The following SMCHD1 variants were observed in gnomAD, a reference collection of about 807,000 sequenced individuals.
SMCHD1 encodes the protein structural maintenance of chromosomes flexible hinge domain-containing protein 1.
SMCHD1 carries 78 observed loss-of-function variants against 254.7 expected under a neutral mutation model. The ratio of observed to expected loss-of-function variants is 0.31; its 90% CI spans 0.26 to 0.37. SMCHD1 has a LOEUF of 0.37. SMCHD1 is among the 10% of genes least tolerant of loss of function. SMCHD1 has a pLI of 1.00. For synonymous variants in SMCHD1, 766 were observed against 794.9 expected (o/e 0.96, Z 0.61); for missense variants, 1,840 against 2,408.1 (o/e 0.76, Z 4.94).
At chr18:2,712,654 T>A (rs1415225513) in intron 17 of SMCHD1, among the ~76,000 whole-genome samples, 2 of 152,188 alleles carry the variant, frequency 1.3e-5, no homozygotes, top group Admixed American at 1.3e-4. Flanking sequence ...CAACTGTATA[T>A]CTTCGTTCTG....
intron 42 of SMCHD1, among the ~76,000 whole-genome samples, chr18:2,777,061 C>CA (rs2076078279): frequency 1.6e-4 from 5 of 32,176 alleles, no homozygotes; most frequent in Non-Finnish European, 6.3e-4. Context: ...GCACCACCAC[C>CA]TCCCCCCCCC....
rs866482310 is a variant in SMCHD1 at position 2,743,730 on chromosome 18, C to G, written c.3634-31C>G. 1.5e-5 allele frequency: 23 copies of G among 1,540,342 alleles called. 1 individual carries two copies. In the Middle Eastern group the frequency reaches 3.8e-3, roughly 255 times the overall value. On this transcript the variant is annotated intron_variant, in intron 28 of 47. Transcript: ENST00000320876. ...TTTTCTGAACACTAAGTGATACCCCCTGTCTTTCTCAATGTACTTTTCCTC... is the reference window on the plus strand; with the variant it reads ...TTTTCTGAACACTAAGTGATACCCCGTGTCTTTCTCAATGTACTTTTCCTC...
intron 17 of SMCHD1, among the ~76,000 whole-genome samples, chr18:2,710,901 T>G (rs2074651300): frequency 6.6e-6 from 1 of 151,532 alleles, no homozygotes; most frequent in Admixed American, 6.6e-5. Flanking sequence ...CCCAAATGTT[T>G]TCTCTGCATC....
rs147940771 is a variant in SMCHD1, at chr18:2,740,324, A to G, written c.3515-379A>G. ...TATATGTGCCACATTTTCTTTATCT[A>G]CTCTATCACTGATGGGCATTTGGGT... On this transcript the variant is annotated intron_variant, in intron 27 of 47. Transcript: ENST00000320876. Among the ~76,000 whole-genome samples the G allele has an allele frequency of 4.5e-3, 686 of 151,840 alleles. 6 individuals carry two copies. The highest frequency in any genetic ancestry group is 0.015 in the African/African-American group (628 of 41,402).
chr18:2,712,801 A>T (rs678668), intron 17 of SMCHD1, among the ~76,000 whole-genome samples: 1 of 152,184 alleles, frequency 6.6e-6, no homozygotes, highest in African/African-American at 2.4e-5. Context: ...TTGAATTGCA[A>T]AACTGTGTAT....
intron 44 of SMCHD1, among the ~76,000 whole-genome samples, chr18:2,782,928 C>T (rs2076180844): frequency 6.6e-6 from 1 of 151,966 alleles, no homozygotes; most frequent in Non-Finnish European, 1.5e-5. Context: ...CTTGTAAAAA[C>T]AAATGATTTT....
At chr18:2,690,334 G>A (rs2074147157) in intron 7 of SMCHD1, among the ~76,000 whole-genome samples, 2 of 152,106 alleles carry the variant, frequency 1.3e-5, no homozygotes, top group South Asian at 4.1e-4. Flanking sequence ...TCATGATTCT[G>A]TTGAGCATTT....
chr18:2,732,238 A>G, intron 24 of SMCHD1, 27 bp from the exon 25 acceptor site: 1 of 1,559,390 alleles, frequency 6.4e-7, no homozygotes, highest in South Asian at 1.1e-5. Context: ...GATATCACTC[A>G]GTGTTTGTGT....
chr18:2,783,434 T>G (rs1370994151), intron 44 of SMCHD1, among the ~76,000 whole-genome samples: 5 of 152,192 alleles, frequency 3.3e-5, no homozygotes, highest in Non-Finnish European at 5.9e-5. Flanking sequence ...ATATCTTATT[T>G]GAATTCCACG....
In SMCHD1 at chr18:2,688,555, G is replaced by A. The variant is rs372966891; in HGVS notation, c.753+47G>A. ...AAATGAAAGTTGATCAAAATATTTT[G>A]AAGTTGACTCTGTCTAAATGCATTA... On this transcript the variant is annotated intron_variant, in intron 6 of 47. Coordinates refer to ENST00000320876, the MANE Select transcript of SMCHD1 (RefSeq NM_015295.3). The A allele has an allele frequency of 1.1e-5, 17 of 1,590,008 alleles. No individual in the cohort carries two copies. The African/African-American group carries it at 1.9e-4, about 18-fold the overall frequency.
intron 22 of SMCHD1, chr18:2,726,820 T>C (rs2075035674): frequency 6.2e-6 from 1 of 161,576 alleles, no homozygotes; most frequent in Admixed American, 6.4e-5. Flanking sequence ...GTCTGTTCTT[T>C]ACATTTTGTT....
At position 2,694,544 on chromosome 18, in the gene SMCHD1, C is replaced by T. The variant is rs2074247195; in HGVS notation, c.891C>T (p.His297=). 1 of 1,591,506 alleles carries T rather than the reference C, an allele frequency of 6.3e-7. No individual in the cohort carries two copies. The highest frequency in any genetic ancestry group is 8.6e-7 in the Non-Finnish European group (1 of 1,166,660). The change falls in exon 8 of 48, where the codon CAC becomes CAT. Residue 297 remains histidine, a synonymous_variant. Transcript: ENST00000320876. ...TCTTGTAGCCCTCTGATTCTGTTCA[C>T]ATTACAAATGATGATGAAAGATTTC... is the stretch of plus-strand genomic sequence containing the variant. ...IRNRKPSDSV[H]ITNDDERFLH...
chr18:2,665,688 C>G (rs952549385), intron 1 of SMCHD1, among the ~76,000 whole-genome samples: 4 of 152,188 alleles, frequency 2.6e-5, no homozygotes, highest in African/African-American at 7.2e-5. Context: ...GTATGTCTTA[C>G]AAAGCATGGC....
At chr18:2,695,295 G>A (rs1289329633) in intron 8 of SMCHD1, among the ~76,000 whole-genome samples, 2 of 150,630 alleles carry the variant, frequency 1.3e-5, no homozygotes, top group African/African-American at 2.5e-5. Flanking sequence ...GTTATTTAAT[G>A]GCTCTAAAAA....
chr18:2,681,604 A>G (rs2073930141), intron 5 of SMCHD1, among the ~76,000 whole-genome samples: 1 of 150,770 alleles, frequency 6.6e-6, no homozygotes, highest in Non-Finnish European at 1.5e-5. Flanking sequence ...AAAAAAAAAA[A>G]AGGATATATA....
At chr18:2,685,388 C>T (rs1043088125) in intron 5 of SMCHD1, among the ~76,000 whole-genome samples, 2 of 152,056 alleles carry the variant, frequency 1.3e-5, no homozygotes, top group African/African-American at 2.4e-5. Flanking sequence ...CGTGAGCCAC[C>T]GCACCTGGCC....
At chr18:2,734,787 G>C (rs1394383489) in intron 25 of SMCHD1, among the ~76,000 whole-genome samples, 2 of 151,860 alleles carry the variant, frequency 1.3e-5, no homozygotes, top group East Asian at 3.9e-4. Context: ...AATTCACCAC[G>C]GGCCAGGCGT....
chr18:2,669,809 C>T (rs532699970), intron 3 of SMCHD1, among the ~76,000 whole-genome samples: 1 of 152,348 alleles, frequency 6.6e-6, no homozygotes, highest in African/African-American at 2.4e-5. Context: ...TTTTATACCA[C>T]ACATAGTTCC....
At chr18:2,724,119 A>G (rs2074980949) in intron 20 of SMCHD1, among the ~76,000 whole-genome samples, 1 of 148,640 alleles carries the variant, frequency 6.7e-6, no homozygotes, top group Non-Finnish European at 1.5e-5. Flanking sequence ...CATCTTTCCC[A>G]GGGGATTTAT....
Sources: allele counts gnomAD v4.1 joint callset (sites outside exome capture counted in the v4.1 genomes callset), GRCh38; gene constraint gnomAD v4.1.1; transcripts MANE v1.5; gene names NCBI Gene and HGNC (gene_info 2026-07-23, HGNC 2026-07-21).